The following USP28 variants were observed in gnomAD, a reference collection of about 807,000 sequenced individuals.
USP28 encodes ubiquitin carboxyl-terminal hydrolase 28.
USP28 carries 113 observed loss-of-function variants against 145.0 expected under a neutral mutation model. That is an observed-to-expected ratio of 0.78 (90% CI 0.67 to 0.91). The LOEUF (loss-of-function observed/expected upper bound fraction) is 0.91. Among genes scored for constraint, USP28 ranks in the 40% least tolerant of loss-of-function variants. The pLI, the probability that USP28 is intolerant of heterozygous loss-of-function variation, is 0.00. For missense variants in USP28, 1,201 were observed against 1,289.6 expected (o/e 0.93, Z 1.05); for synonymous variants, 447 against 450.9 (o/e 0.99, Z 0.11).
intron 12 of USP28, chr11:113,821,436 A>G (rs1390458098): frequency 8.9e-6 from 2 of 225,200 alleles, no homozygotes; most frequent in Non-Finnish European, 2.0e-5. Context: ...GCTTGGGTAG[A>G]GTTCTGTGGG....
At chr11:113,823,972 T>C (rs1171677941) in intron 11 of USP28, among the ~76,000 whole-genome samples, 2 of 151,968 alleles carry the variant, frequency 1.3e-5, no homozygotes, top group African/African-American at 4.8e-5. Context: ...ATGCAGATAG[T>C]AAAGAATGAA....
chr11:113,820,707 G>C (rs762669148), intron 12 of USP28: 1 of 152,270 alleles, frequency 6.6e-6, no homozygotes, highest in Admixed American at 6.6e-5. Context: ...AATTTCAATG[G>C]ATATTAAATC....
intron 16 of USP28, among the ~76,000 whole-genome samples, chr11:113,809,546 C>T (rs948618429): frequency 2.6e-5 from 4 of 152,212 alleles, no homozygotes; most frequent in Admixed American, 2.0e-4. Flanking sequence ...AATGAGCATT[C>T]CCTTCCAGCA....
chr11:113,871,843 G>A (rs1049111083), intron 1 of USP28, among the ~76,000 whole-genome samples: 2 of 152,172 alleles, frequency 1.3e-5, no homozygotes, highest in Admixed American at 1.3e-4. Context: ...CATTATAAGA[G>A]TAGTGGAAAG....
In USP28 at chr11:113,874,637, G is replaced by A. The variant is rs1436531360; in HGVS notation, c.57+808C>T. On this transcript the variant is annotated intron_variant, in intron 1 of 24. Coordinates refer to ENST00000003302, the Ensembl canonical transcript of USP28. Reference sequence around the variant, plus strand: ...TGAAAAAGTGCAGTACTTGAGGGGTGAGGAGGTGGTGTTAAGTTATAACAT... The same window carrying A: ...TGAAAAAGTGCAGTACTTGAGGGGTAAGGAGGTGGTGTTAAGTTATAACAT... 6 of 1,284,388 alleles carry A rather than the reference G, an allele frequency of 4.7e-6. No individual in the cohort carries two copies. The Admixed American group carries it at 1.4e-4, about 31-fold the overall frequency. The allele number at this position is 1,284,388 out of a possible 1,614,324, so 79.6% of individuals were successfully genotyped here.
exon 10 of USP28, chr11:113,829,228 G>A: frequency 1.9e-6 from 3 of 1,613,984 alleles, no homozygotes; most frequent in Non-Finnish European, 2.5e-6. Context: ...GTGATCGGAG[G>A]GAAGAAGCTC....
chr11:113,866,800 T>C (rs1264573811), intron 1 of USP28, among the ~76,000 whole-genome samples: 3 of 152,194 alleles, frequency 2.0e-5, no homozygotes, highest in Admixed American at 1.3e-4. Flanking sequence ...TCTAGGTATA[T>C]ACCCAAAAGA....
intron 14 of USP28, among the ~76,000 whole-genome samples, chr11:113,814,416 A>G (rs377645880): frequency 1.3e-5 from 2 of 152,238 alleles, no homozygotes; most frequent in South Asian, 4.1e-4. Context: ...CAATGAGGTC[A>G]AAGGGCTTTT....
intron 5 of USP28, among the ~76,000 whole-genome samples, chr11:113,834,598 T>A (rs1302557324): frequency 6.6e-6 from 1 of 152,160 alleles, no homozygotes; most frequent in African/African-American, 2.4e-5. Flanking sequence ...GGTTTGGTTT[T>A]GTAGAGACAG....
intron 1 of USP28, among the ~76,000 whole-genome samples, chr11:113,855,408 C>G (rs1946943063): frequency 6.6e-6 from 1 of 152,174 alleles, no homozygotes; most frequent in African/African-American, 2.4e-5. Context: ...ATGTTGAAAA[C>G]AAAGTAGTTC....
intron 10 of USP28, among the ~76,000 whole-genome samples, chr11:113,827,817 A>G (rs1943549191): frequency 6.6e-6 from 1 of 152,244 alleles, no homozygotes; most frequent in South Asian, 2.1e-4. Flanking sequence ...ATATGTGTAC[A>G]TATATTACAT....
chr11:113,802,713 C>A (rs140355441), intron 23 of USP28, among the ~76,000 whole-genome samples: 1 of 152,136 alleles, frequency 6.6e-6, no homozygotes, highest in South Asian at 2.1e-4. Context: ...AATGGAGTGT[C>A]AGAAGTCACT....
intron 21 of USP28, among the ~76,000 whole-genome samples, chr11:113,804,277 T>A (rs1939555309): frequency 6.6e-6 from 1 of 152,226 alleles, no homozygotes; most frequent in South Asian, 2.1e-4. Flanking sequence ...GTTCAGTAAG[T>A]GTGGTGAATA....
chr11:113,851,632 TA>T (rs2136443359), intron 3 of USP28, among the ~76,000 whole-genome samples: 1 of 152,240 alleles, frequency 6.6e-6, no homozygotes, highest in South Asian at 2.1e-4. Context: ...CCGTCTCTAC[TA>T]AAAATACAAA....
chr11:113,858,424 T>C (rs1947303172), intron 1 of USP28, among the ~76,000 whole-genome samples: 1 of 152,188 alleles, frequency 6.6e-6, no homozygotes, highest in South Asian at 2.1e-4. Context: ...AACTATGGTA[T>C]GCCAACTACA....
At chr11:113,875,445 C>A in exon 1 of USP28, 1 of 1,249,748 alleles carries the variant, frequency 8.0e-7, no homozygotes, top group Non-Finnish European at 1.0e-6. Context: ...CGGAGCCCAC[C>A]GAGCCGTGGC....
intron 8 of USP28, among the ~76,000 whole-genome samples, chr11:113,831,323 T>C (rs1943958252): frequency 6.6e-6 from 1 of 152,154 alleles, no homozygotes; most frequent in Non-Finnish European, 1.5e-5. Flanking sequence ...TACAAATAAA[T>C]ACAAAAAATT....
intron 10 of USP28, among the ~76,000 whole-genome samples, chr11:113,828,367 G>A (rs1194136052): frequency 6.6e-6 from 1 of 152,266 alleles, no homozygotes; most frequent in Non-Finnish European, 1.5e-5. Flanking sequence ...GGTTTGCACA[G>A]ATGGTACAGA....
At chr11:113,839,389 A>C (rs1377296991) in intron 5 of USP28, among the ~76,000 whole-genome samples, 1 of 152,192 alleles carries the variant, frequency 6.6e-6, no homozygotes, top group Non-Finnish European at 1.5e-5. Context: ...GTTCAAGACC[A>C]GCATGGCCAA....
Sources: gnomAD v4.1 joint callset for allele counts (sites outside exome capture counted in the v4.1 genomes callset) on GRCh38, gnomAD v4.1.1 for gene constraint, MANE v1.5 for transcripts, NCBI Gene and HGNC (gene_info 2026-07-23, HGNC 2026-07-21) for gene names.